Variants in JPH3 observed in about 807,000 individuals in gnomAD.
JPH3 encodes junctophilin-3.
JPH3 carries 11 observed loss-of-function variants against 59.6 expected under a neutral mutation model. That is an observed-to-expected ratio of 0.18 (90% confidence interval 0.12 to 0.31). The LOEUF (loss-of-function observed/expected upper bound fraction) is 0.31, where lower values mean the gene tolerates loss of function less well. Ranked by LOEUF, JPH3 falls within the 10% of genes least tolerant of loss-of-function variation. JPH3 has a pLI of 1.00. For missense variants in JPH3, 1,202 were observed against 1,105.7 expected, an observed-to-expected ratio of 1.09 and a Z score of -1.24; for synonymous variants, 673 against 483.6, an observed-to-expected ratio of 1.39 and a Z score of -5.14.
At chr16:87,642,937 C>T (rs1335996562) in intron 1 of JPH3, among the ~76,000 whole-genome samples, 1 of 152,194 alleles carries the variant, frequency 6.6e-6, no homozygotes, top group Non-Finnish European at 1.5e-5. Context: ...TTTAAGTATA[C>T]AATTCAGTGG....
upstream of JPH3, chr16:87,602,064 A>C (rs951859392): frequency 6.9e-6 from 1 of 143,994 alleles, no homozygotes; most frequent in African/African-American, 2.6e-5. Context: ...GGCAGATCCG[A>C]GCCCGGCGGG....
intron 2 of JPH3, among the ~76,000 whole-genome samples, chr16:87,671,661 C>T (rs948578780): frequency 1.3e-5 from 2 of 151,678 alleles, no homozygotes; most frequent in African/African-American, 4.8e-5. Flanking sequence ...TGCACCGGCT[C>T]AGCCCTGCAC....
At chr16:87,607,574 G>T (rs186121965) in intron 1 of JPH3, among the ~76,000 whole-genome samples, 1 of 152,364 alleles carries the variant, frequency 6.6e-6, no homozygotes, top group Non-Finnish European at 1.5e-5. Flanking sequence ...TCTCCACCAG[G>T]CCTGTAAACG....
chr16:87,653,758 TTAAGA>T (rs2032402568), intron 2 of JPH3: 1 of 152,186 alleles, frequency 6.6e-6, no homozygotes, highest in Non-Finnish European at 1.5e-5. Context: ...GCAGATATAA[TTAAGA>T]TGAGGTCCTT....
At chr16:87,622,551 G>A (rs1260055717) in intron 1 of JPH3, among the ~76,000 whole-genome samples, 1 of 152,200 alleles carries the variant, frequency 6.6e-6, no homozygotes, top group Non-Finnish European at 1.5e-5. Context: ...CCCTCTGTGA[G>A]GCTGTGGCTG....
intron 2 of JPH3, among the ~76,000 whole-genome samples, chr16:87,678,370 C>G (rs780214716): frequency 1.1e-4 from 17 of 152,286 alleles, no homozygotes; most frequent in Middle Eastern, 6.8e-3. Flanking sequence ...AAAACCCTGT[C>G]TCTACTAAAA....
At chr16:87,640,247 T>G (rs1413870842) in intron 1 of JPH3, among the ~76,000 whole-genome samples, 1 of 151,580 alleles carries the variant, frequency 6.6e-6, no homozygotes, top group Non-Finnish European at 1.5e-5. Context: ...GAGAATCGAT[T>G]GAACCTGGGA....
At chr16:87,652,333 C>A (rs1439903963) in intron 2 of JPH3, among the ~76,000 whole-genome samples, 2 of 152,212 alleles carry the variant, frequency 1.3e-5, no homozygotes, top group Non-Finnish European at 2.9e-5. Context: ...CACAGCCAAG[C>A]CAAGATCCTC....
chr16:87,645,602 G>A (rs1158276490), intron 2 of JPH3, among the ~76,000 whole-genome samples: 2 of 152,208 alleles, frequency 1.3e-5, no homozygotes, highest in South Asian at 2.1e-4. Flanking sequence ...GTTCTGAATC[G>A]GCTGCATGAC....
rs1204159918 is a variant in JPH3 at position 87,677,223 on chromosome 16, CACAAAA to C, written c.1161-6917_1161-6912del. Among the ~76,000 whole-genome samples the C allele has an allele frequency of 7.1e-4, 79 of 111,462 alleles. 1 individual carries two copies. The East Asian group carries it at 0.011, about 16-fold the overall frequency. The allele number at this position is 111,462 out of a possible 152,430, so 73.1% of individuals were successfully genotyped here. On this transcript the variant is annotated intron_variant, in intron 2 of 4. Transcript: ENST00000284262. Reference sequence around the variant, plus strand: ...ACACACACACACACACACACACACACACAAAAAAAAAAATTAGCCGGGTGTGGTGGG... The same window carrying C: ...ACACACACACACACACACACACACACAAAAAAATTAGCCGGGTGTGGTGGG...
intron 1 of JPH3, among the ~76,000 whole-genome samples, chr16:87,643,376 C>T (rs2032019820): frequency 7.4e-6 from 1 of 135,524 alleles, no homozygotes; most frequent in African/African-American, 2.8e-5. Flanking sequence ...CTGCTGCAGT[C>T]CCCACCCTCC....
Position 87,641,490 on chromosome 16 carries a change from G to A in JPH3, c.383-2768G>A, listed in dbSNP as rs571802040. Among the ~76,000 whole-genome samples, 44 of 152,286 alleles carry A rather than the reference G, an allele frequency of 2.9e-4. No individual in the cohort carries two copies. The South Asian group carries it at 5.6e-3, about 19-fold the overall frequency. ...CATCCTATCCCCTTGCCTGAAAGTG[G>A]GACGAGGCTGAAGCTGACCTCTCGC... On this transcript the variant is annotated intron_variant, in intron 1 of 4. Coordinates refer to ENST00000284262, the MANE Select transcript of JPH3 (RefSeq NM_020655.4).
chr16:87,624,035 G>A (rs981975872), intron 1 of JPH3, among the ~76,000 whole-genome samples: 2 of 152,250 alleles, frequency 1.3e-5, no homozygotes, highest in Non-Finnish European at 2.9e-5. Context: ...CCTCCCCAGG[G>A]CTGAGGCTGG....
At chr16:87,677,485 G>A (rs2033182116) in intron 2 of JPH3, among the ~76,000 whole-genome samples, 1 of 152,254 alleles carries the variant, frequency 6.6e-6, no homozygotes, top group Non-Finnish European at 1.5e-5. Flanking sequence ...CAGCTGGGCT[G>A]TGTGCTGTCT....
At chr16:87,613,350 C>T (rs189572586) in intron 1 of JPH3, among the ~76,000 whole-genome samples, 113 of 151,916 alleles carry the variant, frequency 7.4e-4, no homozygotes, top group African/African-American at 2.4e-3. Context: ...CCGCCCGCCT[C>T]GGCCTCCCAA....
At chr16:87,648,987 C>T (rs1181946061) in intron 2 of JPH3, among the ~76,000 whole-genome samples, 5 of 152,160 alleles carry the variant, frequency 3.3e-5, no homozygotes, top group South Asian at 2.1e-4. Flanking sequence ...CTTGGCCCCA[C>T]GGGGAGATGA....
intron 2 of JPH3, among the ~76,000 whole-genome samples, chr16:87,678,792 G>T (rs1402231605): frequency 6.6e-6 from 1 of 152,216 alleles, no homozygotes; most frequent in African/African-American, 2.4e-5. Context: ...ACACGTGCCG[G>T]AGAAGGCCAC....
chr16:87,680,459 G>A (rs920865486), intron 2 of JPH3, among the ~76,000 whole-genome samples: 7 of 152,222 alleles, frequency 4.6e-5, no homozygotes, highest in African/African-American at 1.7e-4. Flanking sequence ...TCTTGCCTCT[G>A]ACTCAGAGCG....
chr16:87,671,053 C>A (rs1567608349), intron 2 of JPH3, among the ~76,000 whole-genome samples: 2 of 152,200 alleles, frequency 1.3e-5, no homozygotes, highest in Non-Finnish European at 1.5e-5. Flanking sequence ...GGGACCCATG[C>A]CCAGCAGGGC....
Sources: allele counts gnomAD v4.1 joint callset (sites outside exome capture counted in the v4.1 genomes callset), GRCh38; gene constraint gnomAD v4.1.1; transcripts MANE v1.5; gene names NCBI Gene and HGNC (gene_info 2026-07-23, HGNC 2026-07-21).